TENM1: variants seen among roughly 807,000 people sequenced by gnomAD.
TENM1 encodes the protein teneurin-1.
A neutral mutation model predicts 174.8 loss-of-function variants in TENM1; 35 were observed. The observed-to-expected ratio is 0.20, with a 90% CI of 0.15 to 0.27. The LOEUF is 0.27. Ranked by LOEUF, TENM1 falls within the 10% of genes least tolerant of loss-of-function variation. The pLI, the probability that TENM1 is intolerant of heterozygous loss-of-function variation, is 1.00. For synonymous variants in TENM1, 781 were observed against 798.7 expected (o/e 0.98, Z 0.37); for missense variants, 1,633 against 2,130.1 (o/e 0.77, Z 4.59).
intron 25 of TENM1, among the ~76,000 whole-genome samples, chrX:124,411,342 TGTGTGTGTGTGTGCACGCAC>T (rs1420679623): frequency 2.7e-5 from 3 of 110,437 alleles, no homozygotes; most frequent in Non-Finnish European, 3.8e-5. Context: ...TGTGTATGTG[TGTGTGTGTGTGTGCACGCAC>T]GTGTGTGTGT....
intron 3 of TENM1, among the ~76,000 whole-genome samples, chrX:124,858,911 T>C (rs2056861298): frequency 9.0e-6 from 1 of 111,385 alleles, no homozygotes; most frequent in African/African-American, 3.3e-5. Context: ...CTATAGATGA[T>C]TAAGACTGCA....
chrX:124,845,589 GTCTTTC>G (rs1214487736), intron 3 of TENM1, among the ~76,000 whole-genome samples: 7 of 111,620 alleles, frequency 6.3e-5, no homozygotes, highest in Non-Finnish European at 1.1e-4. Flanking sequence ...CCTTGGTTTT[GTCTTTC>G]TCTAACACAA....
exon 24 of TENM1, chrX:124,422,517 C>T: frequency 1.7e-6 from 2 of 1,210,948 alleles, no homozygotes. Flanking sequence ...GTGAATGGGG[C>T]GTCCTGCGAT....
chrX:124,405,587 G>T, intron 26 of TENM1, among the ~76,000 whole-genome samples: 1 of 111,032 alleles, frequency 9.0e-6, no homozygotes, highest in Non-Finnish European at 1.9e-5. Context: ...AGCCTCCTCA[G>T]TTTGATATGC....
chrX:124,574,670 A>T (rs1280386037), intron 11 of TENM1, among the ~76,000 whole-genome samples: 3 of 99,137 alleles, frequency 3.0e-5, no homozygotes, highest in African/African-American at 1.1e-4. Context: ...TTGTTGGGGA[A>T]ACTAAACTAT....
intron 6 of TENM1, among the ~76,000 whole-genome samples, chrX:124,660,037 A>G (rs973373697): frequency 8.9e-6 from 1 of 111,941 alleles, no homozygotes; most frequent in African/African-American, 3.3e-5. Flanking sequence ...AAATGAAAAT[A>G]CAGGCATAAA....
At chrX:124,454,936 C>A (rs569064608) in intron 22 of TENM1, among the ~76,000 whole-genome samples, 2 of 111,799 alleles carry the variant, frequency 1.8e-5, no homozygotes, top group African/African-American at 6.5e-5. Flanking sequence ...ACAAGCGTGT[C>A]CTTTTAGCAC....
At chrX:125,138,266 A>T in the TENM1 span, among the ~76,000 whole-genome samples, 1 of 109,321 alleles carries the variant, frequency 9.1e-6, no homozygotes, top group Non-Finnish European at 1.9e-5. Flanking sequence ...TTTTTTCTGC[A>T]GTAGCAGAGA....
intron 11 of TENM1, among the ~76,000 whole-genome samples, chrX:124,590,254 C>T (rs1189150078): frequency 9.0e-6 from 1 of 111,329 alleles, no homozygotes; most frequent in East Asian, 2.8e-4. Flanking sequence ...CCAAAATCTC[C>T]TTAAGCTGAT....
At chrX:125,156,396 T>G in the TENM1 span, among the ~76,000 whole-genome samples, 3 of 111,937 alleles carry the variant, frequency 2.7e-5, no homozygotes, top group Admixed American at 2.8e-4. Flanking sequence ...AGTTTTTCAG[T>G]CCTCACACTC....
chrX:125,079,407 A>G, the TENM1 span, among the ~76,000 whole-genome samples: 10 of 112,024 alleles, frequency 8.9e-5, no homozygotes, highest in African/African-American at 3.2e-4. Flanking sequence ...AAGAAGGAAT[A>G]ATTTTGCAAT....
At chrX:125,070,304 T>A in the TENM1 span, among the ~76,000 whole-genome samples, 1 of 111,623 alleles carries the variant, frequency 9.0e-6, no homozygotes, top group Non-Finnish European at 1.9e-5. Flanking sequence ...TTTTTTCTTA[T>A]GTTTGTTGGC....
chrX:124,972,134 G>A, the TENM1 span, among the ~76,000 whole-genome samples: 1 of 109,273 alleles, frequency 9.2e-6, no homozygotes, highest in Non-Finnish European at 1.9e-5. Flanking sequence ...TCGGGATGCT[G>A]AGGCAGGAGA....
intron 3 of TENM1, among the ~76,000 whole-genome samples, chrX:124,840,050 G>A (rs777852416): frequency 4.5e-5 from 5 of 111,723 alleles, no homozygotes; most frequent in African/African-American, 1.6e-4. Flanking sequence ...TTCAAATGAC[G>A]ATAATAATAT....
In TENM1 at chrX:124,632,061, T is replaced by C. The variant is rs188370848; in HGVS notation, c.2077+9730A>G. On this transcript the variant is annotated intron_variant, in intron 11 of 31. Transcript: ENST00000422452. ...CCGAGTAGCTGGGATTATAGGAGCA[T>C]GCCGCCACACTCAGCTAATTTTTGT... Among the ~76,000 whole-genome samples the C allele has an allele frequency of 5.5e-3, 582 of 106,454 alleles. 3 individuals carry two copies. The highest frequency in any genetic ancestry group is 0.019 in the African/African-American group (557 of 29,312). 92.4% of individuals were successfully genotyped at this position (106,454 alleles called of 115,157 possible).
At chrX:124,489,512 T>C (rs2047020862) in intron 20 of TENM1, among the ~76,000 whole-genome samples, 1 of 111,494 alleles carries the variant, frequency 9.0e-6, no homozygotes, top group Non-Finnish European at 1.9e-5. Context: ...TCCATACCTA[T>C]TTGTGGTCAC....
chrX:124,509,330 T>C (rs16300), intron 18 of TENM1, among the ~76,000 whole-genome samples: 16,951 of 110,163 alleles, frequency 0.15, 1,036 homozygotes, highest in Middle Eastern at 0.21. Context: ...TCAGGGTGGC[T>C]AGAGAGTCAG....
intron 3 of TENM1, among the ~76,000 whole-genome samples, chrX:124,872,650 T>C (rs2057131905): frequency 8.9e-6 from 1 of 112,284 alleles, no homozygotes; most frequent in South Asian, 3.7e-4. Context: ...GTTTTTGGTT[T>C]CAAAGGAAAA....
intron 11 of TENM1, among the ~76,000 whole-genome samples, chrX:124,581,939 A>G (rs1345862983): frequency 3.6e-5 from 4 of 111,583 alleles, no homozygotes; most frequent in Admixed American, 9.5e-5. Flanking sequence ...CAGATTTGTT[A>G]CATAGGTAAA....
Sources: gnomAD v4.1 joint callset for allele counts (sites outside exome capture counted in the v4.1 genomes callset) on GRCh38, gnomAD v4.1.1 for gene constraint, MANE v1.5 for transcripts, NCBI Gene and HGNC (gene_info 2026-07-23, HGNC 2026-07-21) for gene names.